HS6ST2: variants seen among roughly 807,000 people sequenced by gnomAD.
HS6ST2 encodes the protein heparan-sulfate 6-O-sulfotransferase 2.
A neutral mutation model predicts 33.0 loss-of-function variants in HS6ST2; 17 were observed. That is an observed-to-expected ratio of 0.52 (90% CI 0.35 to 0.77). HS6ST2 has a LOEUF of 0.77. Among genes scored for constraint, HS6ST2 ranks in the 30% least tolerant of loss-of-function variants. The pLI, the probability that HS6ST2 is intolerant of heterozygous loss-of-function variation, is 0.01. For missense variants in HS6ST2, 519 were observed against 551.7 expected, an observed-to-expected ratio of 0.94 and a Z score of 0.59; for synonymous variants, 248 against 237.1, an observed-to-expected ratio of 1.05 and a Z score of -0.42.
rs763531007 is a variant in HS6ST2 at position 132,665,433 on chromosome X, T to G, written c.1067+3680A>C. Among the ~76,000 whole-genome samples the G allele has an allele frequency of 1.2e-4, 13 of 111,789 alleles. No individual in the cohort carries two copies. In the East Asian group the frequency reaches 3.1e-3, roughly 27 times the overall value. ...TGGAAAGTGACTTACCTTTCTTGAG[T>G]CTCAGTGTCCTTGTGTTCAGCAAAA... On this transcript the variant is annotated intron_variant, in intron 4 of 4. Transcript: ENST00000370833.
At chrX:132,853,954 G>T (rs764014096) in intron 2 of HS6ST2, among the ~76,000 whole-genome samples, 1 of 110,647 alleles carries the variant, frequency 9.0e-6, no homozygotes, top group Admixed American at 9.6e-5. Flanking sequence ...GCCTGTGGAG[G>T]TGAAGGCTGC....
intron 3 of HS6ST2, among the ~76,000 whole-genome samples, chrX:132,683,039 G>A (rs1364954725): frequency 9.0e-6 from 1 of 110,941 alleles, no homozygotes; most frequent in African/African-American, 3.3e-5. Context: ...ACTTGAGCCA[G>A]GTAGGTCAAG....
intron 2 of HS6ST2, among the ~76,000 whole-genome samples, chrX:132,844,804 T>G (rs2065735957): frequency 9.0e-6 from 1 of 111,351 alleles, no homozygotes; most frequent in African/African-American, 3.3e-5. Context: ...AGGATAAAAA[T>G]TATATAGATA....
intron 2 of HS6ST2, among the ~76,000 whole-genome samples, chrX:132,884,281 T>C (rs894148722): frequency 2.7e-5 from 3 of 111,437 alleles, no homozygotes; most frequent in Admixed American, 9.6e-5. Context: ...TATACAATGG[T>C]AGTAAGAGAA....
chrX:132,957,813 G>T (rs2067100905), intron 1 of HS6ST2, among the ~76,000 whole-genome samples: 1 of 111,690 alleles, frequency 9.0e-6, no homozygotes. Flanking sequence ...ACCTCTGTCC[G>T]GGTTTCTCCC....
intron 3 of HS6ST2, among the ~76,000 whole-genome samples, chrX:132,677,933 A>T (rs1180141903): frequency 8.9e-6 from 1 of 112,045 alleles, no homozygotes; most frequent in African/African-American, 3.2e-5. Flanking sequence ...TGATTTTGAC[A>T]TTGGGGCATG....
At chrX:132,949,486 C>T (rs748868319) in intron 2 of HS6ST2, among the ~76,000 whole-genome samples, 3 of 109,961 alleles carry the variant, frequency 2.7e-5, no homozygotes, top group South Asian at 4.0e-4. Flanking sequence ...TGATAAAAGT[C>T]AGTTATCGAA....
chrX:132,630,790 C>T (rs1213792804), intron 4 of HS6ST2, among the ~76,000 whole-genome samples: 2 of 110,351 alleles, frequency 1.8e-5, no homozygotes, highest in Non-Finnish European at 3.8e-5. Flanking sequence ...GTTAAAAATA[C>T]AAAAATTAGC....
intron 2 of HS6ST2, among the ~76,000 whole-genome samples, chrX:132,923,729 T>G (rs1197569187): frequency 1.8e-5 from 2 of 111,407 alleles, no homozygotes; most frequent in African/African-American, 6.5e-5. Context: ...AGACAGCATT[T>G]TAGGGGCTTT....
At chrX:132,759,771 GCAA>G (rs775666445) in intron 2 of HS6ST2, among the ~76,000 whole-genome samples, 8 of 111,652 alleles carry the variant, frequency 7.2e-5, no homozygotes, top group Admixed American at 9.5e-5. Context: ...ATCTTCAACA[GCAA>G]CAACAACAAC....
intron 3 of HS6ST2, among the ~76,000 whole-genome samples, chrX:132,691,754 C>T (rs1028883913): frequency 8.9e-6 from 1 of 112,113 alleles, no homozygotes; most frequent in Non-Finnish European, 1.9e-5. Context: ...GAAATCCAGG[C>T]AGTTTCTCCC....
In HS6ST2 at chrX:132,635,677, T is replaced by A. The variant is rs192383511; in HGVS notation, c.1068-6584A>T. 1.5e-3 allele frequency among the ~76,000 whole-genome samples: 168 copies of A among 110,666 alleles called. 1 individual carries two copies. Among genetic ancestry groups the A allele is most frequent in the African/African-American group, 5.2e-3 (158 of 30,414 alleles). On this transcript the variant is annotated intron_variant, in intron 4 of 4. Transcript: ENST00000370833. ...TGTAATGACTTGGGGAGGGGGTTGGTACTGGCATCTAGTAAGTCAAGTCCA... is the reference window on the plus strand; with the variant it reads ...TGTAATGACTTGGGGAGGGGGTTGGAACTGGCATCTAGTAAGTCAAGTCCA...
rs3065679 is a variant in HS6ST2, at chrX:132,756,820, GGTGTGTGTGTGTGTGTGTGTGT to G, written c.948-48348_948-48327del. ...CTTGCTCTCCCATTCCCCTGTGCAT[GGTGTGTGTGTGTGTGTGTGTGT>G]GTGTGTGTGTGTGTCTTTTCAGTAC... On this transcript the variant is annotated intron_variant, in intron 2 of 4. Coordinates refer to ENST00000370833, the MANE Select transcript of HS6ST2 (RefSeq NM_001394073.1). 3.1e-5 allele frequency among the ~76,000 whole-genome samples: 3 copies of G among 97,326 alleles called. No individual in the cohort carries two copies. In the East Asian group the frequency reaches 1.0e-3, roughly 33 times the overall value. 84.5% of individuals were successfully genotyped at this position (97,326 alleles called of 115,157 possible). A position where few individuals can be genotyped will look rare whatever the true frequency, so the allele number is the denominator to read the frequency against.
chrX:132,669,220 G>C, intron 3 of HS6ST2, 21 bp from the exon 4 acceptor site: 1 of 1,179,973 alleles, frequency 8.5e-7, no homozygotes, highest in Non-Finnish European at 1.1e-6. Context: ...AGAAAGAATA[G>C]AAAACATATA....
intron 2 of HS6ST2, among the ~76,000 whole-genome samples, chrX:132,882,168 A>C (rs2148442108): frequency 9.0e-6 from 1 of 111,313 alleles, no homozygotes; most frequent in South Asian, 3.8e-4. Flanking sequence ...GAAGAAAGTC[A>C]TTGGTAGCTT....
intron 3 of HS6ST2, among the ~76,000 whole-genome samples, chrX:132,680,750 A>G (rs1256455220): frequency 9.0e-6 from 1 of 110,835 alleles, no homozygotes; most frequent in Admixed American, 9.6e-5. Context: ...TAATCCTAGC[A>G]CTTTGGGAGG....
intron 2 of HS6ST2, among the ~76,000 whole-genome samples, chrX:132,921,012 G>A (rs1473062013): frequency 8.9e-6 from 1 of 112,689 alleles, no homozygotes; most frequent in African/African-American, 3.2e-5. Context: ...CTTGGCTGCA[G>A]TATAGACAGT....
chrX:132,706,075 A>T (rs1446989186), intron 3 of HS6ST2, among the ~76,000 whole-genome samples: 1 of 111,356 alleles, frequency 9.0e-6, no homozygotes, highest in Non-Finnish European at 1.9e-5. Flanking sequence ...AGGTACAAAA[A>T]AAAAAAAGTG....
chrX:132,753,932 G>A (rs1174435775), intron 2 of HS6ST2, among the ~76,000 whole-genome samples: 1 of 112,363 alleles, frequency 8.9e-6, no homozygotes, highest in Non-Finnish European at 1.9e-5. Flanking sequence ...CCCACACCCA[G>A]TTTCCCACAT....
Sources: gnomAD v4.1 joint callset for allele counts (sites outside exome capture counted in the v4.1 genomes callset) on GRCh38, gnomAD v4.1.1 for gene constraint, MANE v1.5 for transcripts, NCBI Gene and HGNC (gene_info 2026-07-23, HGNC 2026-07-21) for gene names.